IL36A: variants seen among roughly 807,000 people sequenced by gnomAD.
IL36A encodes interleukin-36 alpha.
In IL36A, 13 loss-of-function variants were observed where a neutral mutation model predicts 12.7. The observed-to-expected ratio is 1.02, with a 90% CI of 0.67 to 1.63. The LOEUF (loss-of-function observed/expected upper bound fraction) is 1.63. IL36A is among the 40% of genes most tolerant of loss of function. The pLI is 0.00. For synonymous variants in IL36A, 73 were observed against 71.9 expected, an observed-to-expected ratio of 1.01 and a Z score of -0.08; for missense variants, 195 against 192.9, an observed-to-expected ratio of 1.01 and a Z score of -0.07.
In IL36A at chr2:113,006,691, G is replaced by A; in HGVS notation, c.218G>A (p.Cys73Tyr). 6.2e-7 allele frequency: 1 copy of A among 1,614,158 alleles called. No individual in the cohort carries two copies. Among genetic ancestry groups the A allele is most frequent in the Non-Finnish European group, 8.5e-7 (1 of 1,180,012 alleles). ...IYLGLNGLNLCLMCAKVGDQP... is the reference protein window; with the variant it reads ...IYLGLNGLNLYLMCAKVGDQP... Reference sequence around the variant, plus strand: ...CTGGGCCTGAATGGACTCAATCTCTGCCTGATGTGTGCTAAAGTCGGGGAC... The same window carrying A: ...CTGGGCCTGAATGGACTCAATCTCTACCTGATGTGTGCTAAAGTCGGGGAC... Residue 73 changes from cysteine to tyrosine, a missense_variant, in exon 3 of 4, where the codon TGC (cysteine) becomes TAC (tyrosine). Physicochemically the swap from Cys to Tyr is radical, Grantham distance 194. Transcript: ENST00000259211.
At chr2:113,010,114 C>T (rs1003275764), downstream of IL36A, among the ~76,000 whole-genome samples, 2 of 152,080 alleles carry the variant, frequency 1.3e-5, no homozygotes, top group Non-Finnish European at 2.9e-5. Flanking sequence ...TCTGTGTAGT[C>T]CTGTTGTAAT....
In IL36A at chr2:113,007,795, TTA is replaced by T. The variant is rs1558824869; in HGVS notation, c.265-35_265-34del. 5 of 1,490,638 alleles carry T rather than the reference TTA, an allele frequency of 3.4e-6. No homozygotes were observed. The Admixed American group carries it at 6.7e-5, about 20-fold the overall frequency. The allele number at this position is 1,490,638 out of a possible 1,614,324, so 92.3% of individuals were successfully genotyped here. A position where few individuals can be genotyped will look rare whatever the true frequency, so the allele number is the denominator to read the frequency against. On this transcript the variant is annotated intron_variant, in intron 3 of 3. Transcript: ENST00000259211. ...TAAAGAATGTGAAACATTCAAACAG[TTA>T]TGTTTCTTGCTGGTGTCTCCTTCGC...
Position 113,006,086 on chromosome 2 carries a change from A to G in IL36A, c.123A>G (p.Pro41=), listed in dbSNP as rs377053319. 1.8e-5 allele frequency: 28 copies of G among 1,598,230 alleles called. No individual in the cohort carries two copies. The highest frequency in any genetic ancestry group is 2.6e-6 in the Non-Finnish European group (3 of 1,165,654). ...IAVPRKDRMS[P]VTIALISCRH... ...TCCCGAGGAAGGACCGTATGTCTCC[A>G]GGTGAGTAGCCACGGTCTGTGAAAG... The change falls in exon 2 of 4, where the codon CCA becomes CCG. Residue 41 remains proline (P), a splice_region_variant and synonymous_variant. Transcript: ENST00000259211.
At chr2:113,010,199 A>C (rs1040629572), downstream of IL36A, among the ~76,000 whole-genome samples, 19 of 152,190 alleles carry the variant, frequency 1.2e-4, no homozygotes, top group Non-Finnish European at 2.5e-4. Flanking sequence ...TCCTGAGCAC[A>C]CTGATGAATT....
intron 2 of IL36A, among the ~76,000 whole-genome samples, 153 bp downstream of exon 2, chr2:113,006,240 G>C (rs894220144): frequency 2.0e-5 from 3 of 152,132 alleles, no homozygotes; most frequent in African/African-American, 7.2e-5. Flanking sequence ...TGAGCATAAG[G>C]TTGTTCTGGG....
At chr2:113,006,850 G>A in intron 3 of IL36A, 113 bp downstream of exon 3, 1 of 1,158,738 alleles carries the variant, frequency 8.6e-7, no homozygotes, top group Non-Finnish European at 1.2e-6. Context: ...GGTTTCCTTG[G>A]GGTTGGTATA....
downstream of IL36A, among the ~76,000 whole-genome samples, chr2:113,009,961 CTTATTTTGAAGACTTCTTTTTAATCCT>C (rs1366294832): frequency 1.6e-4 from 24 of 152,314 alleles, no homozygotes; most frequent in African/African-American, 5.1e-4. Flanking sequence ...TTAATCCTCT[CTTATTTTGAAGACTTCTTTTTAATCCT>C]CTCTTATTTT....
At chr2:113,008,106 G>A, downstream of IL36A, 1 of 1,359,496 alleles carries the variant, frequency 7.4e-7, no homozygotes, top group Non-Finnish European at 1.0e-6. Context: ...TCTTAGCCTG[G>A]AATGGGCAGG....
chr2:113,010,517 A>C (rs1029894268), downstream of IL36A, among the ~76,000 whole-genome samples: 1 of 152,178 alleles, frequency 6.6e-6, no homozygotes, highest in African/African-American at 2.4e-5. Flanking sequence ...TGTTGGACCA[A>C]CTGGGATATT....
chr2:113,007,864 C>A lies in IL36A; in HGVS notation c.297C>A (p.Pro99=). ...ATATAATGGATTTGTACAACCAACC[C>A]GAGCCTGTGAAGTCCTTTCTCTTCT... ...EKDIMDLYNQ[P]EPVKSFLFYH... is the part of the protein sequence containing the mutation. Residue 99 remains proline, a synonymous_variant, in exon 4 of 4, where the codon CCC becomes CCA. Transcript: ENST00000259211. 6.2e-7 allele frequency: 1 copy of A among 1,614,106 alleles called. No homozygotes were observed. Among genetic ancestry groups the A allele is most frequent in the African/African-American group, 1.3e-5 (1 of 75,024 alleles).
chr2:113,007,745 T>C (rs1684651280), intron 3 of IL36A, 87 bp from the exon 4 acceptor site: 1 of 1,071,424 alleles, frequency 9.3e-7, no homozygotes, highest in African/African-American at 1.6e-5. Flanking sequence ...GGGAATGCTA[T>C]CCTTGGACGT....
chr2:113,009,363 A>G (rs559821729), downstream of IL36A, among the ~76,000 whole-genome samples: 4 of 152,138 alleles, frequency 2.6e-5, no homozygotes, highest in South Asian at 6.2e-4. Flanking sequence ...ATGCACACGT[A>G]TGTTTATAGC....
intron 2 of IL36A, 24 bp from the exon 3 acceptor site, chr2:113,006,574 C>A (rs1684625251): frequency 1.9e-6 from 3 of 1,613,294 alleles, no homozygotes; most frequent in Non-Finnish European, 2.5e-6. Flanking sequence ...CAGCTGAACA[C>A]CACTTTTCAC....
rs531844877 is a variant in IL36A at position 113,006,136 on chromosome 2, G to T, written c.124+49G>T. On this transcript the variant is annotated intron_variant, in intron 2 of 3. Transcript: ENST00000259211. The stretch of plus-strand genomic sequence containing the variant: ...GGCAGCTCCTTTGGCCAGTGCTGTT[G>T]TGTGTTTGGTGCTCAGATGTTATTC... 680 of 1,172,146 alleles carry T rather than the reference G, an allele frequency of 5.8e-4. 9 individuals are homozygous for T. The South Asian group carries it at 8.0e-3, about 14-fold the overall frequency. 72.6% of individuals were successfully genotyped at this position (1,172,146 alleles called of 1,614,324 possible).
chr2:113,008,623 T>A, downstream of IL36A: 1 of 196,588 alleles, frequency 5.1e-6, no homozygotes, highest in Non-Finnish European at 1.1e-5. Context: ...TCAGATAGAT[T>A]CCTCTGTGAT....
downstream of IL36A, among the ~76,000 whole-genome samples, chr2:113,010,079 G>A (rs776971821): frequency 1.2e-4 from 18 of 151,954 alleles, no homozygotes; most frequent in South Asian, 4.2e-4. Context: ...ATTTCTTGCC[G>A]TATTATGATT....
Position 113,007,985 on chromosome 2 carries a change from C to T in IL36A, c.418C>T (p.Leu140Phe). 6.2e-7 allele frequency: 1 copy of T among 1,614,218 alleles called. No individual in the cohort carries two copies. The highest frequency in any genetic ancestry group is 8.5e-7 in the Non-Finnish European group (1 of 1,180,044). Residue 140 changes from leucine to phenylalanine, a missense_variant, in exon 4 of 4, where the codon CTT becomes TTT. Transcript: ENST00000259211. Reference protein sequence around the residue: ...VSSEGGCPLILTQELGKANTT... With the variant: ...VSSEGGCPLIFTQELGKANTT... Reference sequence around the variant, plus strand: ...CTCTGAAGGAGGCTGTCCTCTCATCCTTACCCAAGAACTGGGGAAAGCCAA... The same window carrying T: ...CTCTGAAGGAGGCTGTCCTCTCATCTTTACCCAAGAACTGGGGAAAGCCAA...
Position 113,007,941 on chromosome 2 carries a change from G to T in IL36A, c.374G>T (p.Gly125Val). Residue 125 changes from glycine to valine, a missense_variant, in exon 4 of 4, where the codon GGC becomes GTC. Coordinates refer to ENST00000259211, the MANE Select transcript of IL36A (RefSeq NM_014440.3). Reference protein sequence around the residue: ...NSTFESVAFPGWFIAVSSEGG... With the variant: ...NSTFESVAFPVWFIAVSSEGG... ...ACCTTCGAGTCTGTGGCTTTCCCTGGCTGGTTCATCGCTGTCAGCTCTGAA... is the reference window on the plus strand; with the variant it reads ...ACCTTCGAGTCTGTGGCTTTCCCTGTCTGGTTCATCGCTGTCAGCTCTGAA... 12 of 1,614,180 alleles carry T rather than the reference G, an allele frequency of 7.4e-6. No individual in the cohort carries two copies. Among genetic ancestry groups the T allele is most frequent in the Non-Finnish European group, 1.0e-5 (12 of 1,180,022 alleles).
Position 113,007,821 on chromosome 2 carries a change from G to C in IL36A, c.265-11G>C. 1 of 1,606,130 alleles carries C rather than the reference G, an allele frequency of 6.2e-7. No individual in the cohort carries two copies. The highest frequency in any genetic ancestry group is 8.5e-7 in the Non-Finnish European group (1 of 1,172,806). ...TATGTTTCTTGCTGGTGTCTCCTTC[G>C]CACCCTTCAGGAAAAGGATATAATG... On this transcript the variant is annotated splice_polypyrimidine_tract_variant and intron_variant, in intron 3 of 3. Coordinates refer to ENST00000259211, the MANE Select transcript of IL36A (RefSeq NM_014440.3).
Sources: gnomAD v4.1 joint callset for allele counts (sites outside exome capture counted in the v4.1 genomes callset) on GRCh38, gnomAD v4.1.1 for gene constraint, MANE v1.5 for transcripts, NCBI Gene and HGNC (gene_info 2026-07-23, HGNC 2026-07-21) for gene names.